CLEC20A: variants seen among roughly 807,000 people sequenced by gnomAD.
CLEC20A encodes putative C-type lectin domain family 20 member A.
In CLEC20A at chr1:178,489,345, C is replaced by G. The variant is rs570913981; in HGVS notation, c.829+727G>C. Among the ~76,000 whole-genome samples the G allele has an allele frequency of 2.6e-5, 4 of 151,892 alleles. No individual in the cohort carries two copies. The East Asian group carries it at 7.7e-4, about 29-fold the overall frequency. ...CTGCACTCCAGCCTGGGCGACAGAG[C>G]AAGACTCTGTCTCAAAAATTAATTA... On this transcript the variant is annotated intron_variant, in intron 4 of 7. Transcript: ENST00000623247.
At chr1:178,483,053 A>G (rs1417413072) in intron 6 of CLEC20A, 122 bp downstream of exon 6, 7 of 395,742 alleles carry the variant, frequency 1.8e-5, no homozygotes, top group Non-Finnish European at 2.7e-5. Flanking sequence ...TACTATCCCT[A>G]TTCCCAACAT....
chr1:178,481,089 C>T (rs939320859), intron 7 of CLEC20A: 1 of 152,206 alleles, frequency 6.6e-6, no homozygotes, highest in East Asian at 1.9e-4. Flanking sequence ...CCAGTCCCCC[C>T]TCCACTCCTG....
exon 1 of CLEC20A, chr1:178,496,904 T>C: frequency 2.5e-6 from 1 of 398,872 alleles, no homozygotes; most frequent in Non-Finnish European, 4.4e-6. Context: ...CCTCACCTGC[T>C]GCGCAGAAGG....
At position 178,487,092 on chromosome 1, in the gene CLEC20A, G is replaced by A. The variant is rs6676228; in HGVS notation, c.928+1409C>T. On this transcript the variant is annotated intron_variant, in intron 5 of 7. Transcript: ENST00000623247. ...AGAAGACTTCTGTGGGGTCCGCTGC[G>A]CCCGGGACCCCTCCCAAAGCCGAGG... Among the ~76,000 whole-genome samples the A allele has an allele frequency of 6.0e-3, 917 of 152,298 alleles. 9 individuals are homozygous for A. The highest frequency in any genetic ancestry group is 0.021 in the African/African-American group (869 of 41,576).
upstream of CLEC20A, chr1:178,496,943 T>C (rs902949917): frequency 2.2e-5 from 9 of 400,010 alleles, no homozygotes; most frequent in Admixed American, 3.5e-4. Context: ...GCAGCATGGC[T>C]GGGCACTGGC....
intron 3 of CLEC20A, among the ~76,000 whole-genome samples, chr1:178,491,181 C>T (rs1558029187): frequency 6.6e-6 from 1 of 152,164 alleles, no homozygotes; most frequent in East Asian, 1.9e-4. Flanking sequence ...ACAGGCCCAG[C>T]CTACCCTGCC....
At chr1:178,486,972 G>T (rs1012815695) in intron 5 of CLEC20A, 1 of 396,068 alleles carries the variant, frequency 2.5e-6, no homozygotes, top group Non-Finnish European at 4.4e-6. Context: ...GGTCGGGCTC[G>T]CGGGGCTCCG....
chr1:178,480,236 T>G (rs1648933476), intron 7 of CLEC20A: 1 of 152,250 alleles, frequency 6.6e-6, no homozygotes, highest in Non-Finnish European at 1.5e-5. Context: ...ACATACACCT[T>G]GTCCCCACCA....
At chr1:178,494,549 C>A in exon 2 of CLEC20A, 1 of 399,380 alleles carries the variant, frequency 2.5e-6, no homozygotes, top group South Asian at 1.3e-4. Context: ...GAAGCCCACC[C>A]CAAATTCAGG....
chr1:178,489,261 G>C lies in CLEC20A; in HGVS notation c.830-662C>G, dbSNP rs936543890. On this transcript the variant is annotated intron_variant, in intron 4 of 7. Transcript: ENST00000623247. ...ACCTGTAACCCCAGCTACTTGGGAG[G>C]CTGAAGCGTGAGAATTGCTTGAACC... Among the ~76,000 whole-genome samples the C allele has an allele frequency of 2.0e-5, 3 of 152,096 alleles. No individual in the cohort carries two copies. In the East Asian group the frequency reaches 5.8e-4, roughly 29 times the overall value.
chr1:178,480,049 G>GC (rs1648924019), intron 7 of CLEC20A: 1 of 149,032 alleles, frequency 6.7e-6, no homozygotes, highest in African/African-American at 2.5e-5. Context: ...ATTCCGAAGA[G>GC]CCAGGGGGTA....
intron 4 of CLEC20A, among the ~76,000 whole-genome samples, chr1:178,489,303 C>T (rs2101870683): frequency 6.6e-6 from 1 of 152,132 alleles, no homozygotes; most frequent in East Asian, 1.9e-4. Context: ...GTGGAGGCTG[C>T]AGTGAGCTGA....
At chr1:178,490,210 C>T (rs1649238737) in exon 4 of CLEC20A, 1 of 398,852 alleles carries the variant, frequency 2.5e-6, no homozygotes, top group East Asian at 3.6e-5. Context: ...ATGCTGGCCC[C>T]CAGGTCACTG....
intron 1 of CLEC20A, 113 bp from the exon 2 acceptor site, chr1:178,494,923 C>T (rs1483104533): frequency 2.5e-6 from 1 of 397,930 alleles, no homozygotes; most frequent in Non-Finnish European, 4.4e-6. Flanking sequence ...GCCCACTCTG[C>T]ACTTCGCCGC....
intron 5 of CLEC20A, among the ~76,000 whole-genome samples, chr1:178,484,896 TG>T (rs1471018094): frequency 1.3e-5 from 2 of 151,880 alleles, no homozygotes; most frequent in East Asian, 3.9e-4. Flanking sequence ...CCACCCAGAC[TG>T]TGCAATATTC....
intron 2 of CLEC20A, chr1:178,493,783 G>A (rs1028619403): frequency 2.0e-5 from 3 of 152,338 alleles, no homozygotes; most frequent in African/African-American, 7.2e-5. Flanking sequence ...AGAAGACAGT[G>A]AATTCTGCTC....
At chr1:178,488,466 A>G in intron 5 of CLEC20A, 35 bp downstream of exon 5, 1 of 398,790 alleles carries the variant, frequency 2.5e-6, no homozygotes, top group Non-Finnish European at 4.4e-6. Context: ...CAGACCCTGA[A>G]GACCCAGATC....
At chr1:178,487,237 C>T (rs530084055) in intron 5 of CLEC20A, among the ~76,000 whole-genome samples, 1 of 152,350 alleles carries the variant, frequency 6.6e-6, no homozygotes, top group Non-Finnish European at 1.5e-5. Flanking sequence ...AATAGCGCGG[C>T]CCAGGTGGCC....
chr1:178,488,405 G>T, intron 5 of CLEC20A, 96 bp downstream of exon 5: 1 of 397,954 alleles, frequency 2.5e-6, no homozygotes, highest in East Asian at 3.6e-5. Context: ...GCATACACTG[G>T]CCCTTCTAAG....
Sources: gnomAD v4.1 joint callset for allele counts (sites outside exome capture counted in the v4.1 genomes callset) on GRCh38, gnomAD v4.1.1 for gene constraint, MANE v1.5 for transcripts, NCBI Gene and HGNC (gene_info 2026-07-23, HGNC 2026-07-21) for gene names.